Variants in UQCR10 observed in about 807,000 individuals in gnomAD.
UQCR10 encodes cytochrome b-c1 complex subunit 9.
UQCR10 carries 5 observed loss-of-function variants against 6.0 expected under a neutral mutation model. The observed-to-expected ratio is 0.83, with a 90% CI of 0.43 to 1.74. The LOEUF (loss-of-function observed/expected upper bound fraction) is 1.74. Among genes scored for constraint, UQCR10 ranks in the 40% most tolerant of loss-of-function variants. UQCR10 has a pLI of 0.02. For synonymous variants in UQCR10, 40 were observed against 37.4 expected (o/e 1.07, Z -0.26); for missense variants, 101 against 85.1 (o/e 1.19, Z -0.74).
Position 29,770,316 on chromosome 22 carries a change from C to A in UQCR10, c.*597C>A. On this transcript the variant is annotated 3_prime_UTR_variant, in exon 2 of 2. Transcript: ENST00000330029. The stretch of plus-strand genomic sequence containing the variant: ...GCCATGTTGGAAGAATTGTCTTGGG[C>A]CACACATAAAATACAGTAACCATAG... 4.6e-6 allele frequency: 1 copy of A among 215,210 alleles called. No homozygotes were observed. Among genetic ancestry groups the A allele is most frequent in the Non-Finnish European group, 9.6e-6 (1 of 103,776 alleles). 13.3% of individuals were successfully genotyped at this position (215,210 alleles called of 1,614,324 possible).
chr22:29,769,985 T>A lies in UQCR10; in HGVS notation c.*266T>A. On this transcript the variant is annotated 3_prime_UTR_variant, in exon 2 of 2. Coordinates refer to ENST00000330029, the MANE Select transcript of UQCR10 (RefSeq NM_013387.4). ...TGGTTGCTTTGTTAACTCTACCTGA[T>A]CTTCACTTGTCAGTAATTTGAGACC... The A allele has an allele frequency of 1.6e-6, 1 of 625,172 alleles. No individual in the cohort carries two copies. Among genetic ancestry groups the A allele is most frequent in the Non-Finnish European group, 3.0e-6 (1 of 334,984 alleles). The allele number at this position is 625,172 out of a possible 1,614,324, so 38.7% of individuals were successfully genotyped here.
Position 29,769,919 on chromosome 22 carries a change from A to G in UQCR10, c.*200A>G, listed in dbSNP as rs1394806966. 2.8e-6 allele frequency: 2 copies of G among 726,552 alleles called. No individual in the cohort carries two copies. Among genetic ancestry groups the G allele is most frequent in the South Asian group, 1.5e-5 (1 of 67,202 alleles). 45.0% of individuals were successfully genotyped at this position (726,552 alleles called of 1,614,324 possible). A position where few individuals can be genotyped will look rare whatever the true frequency, so the allele number is the denominator to read the frequency against. On this transcript the variant is annotated 3_prime_UTR_variant, in exon 2 of 2. Coordinates refer to ENST00000330029, the MANE Select transcript of UQCR10 (RefSeq NM_013387.4). ...TGAAGTATGTTTAGTCAGCATGCTCAGGAAATAAATGTGAATTGCCCTTGA... is the reference window on the plus strand; with the variant it reads ...TGAAGTATGTTTAGTCAGCATGCTCGGGAAATAAATGTGAATTGCCCTTGA...
intron 1 of UQCR10, chr22:29,767,752 G>C (rs1360880733): frequency 2.4e-6 from 2 of 845,066 alleles, no homozygotes; most frequent in Non-Finnish European, 3.5e-6. Context: ...CATTTTGCAG[G>C]GGTTGTAAGT....
intron 1 of UQCR10, among the ~76,000 whole-genome samples, chr22:29,767,998 A>G (rs1601737542): frequency 6.6e-6 from 1 of 152,324 alleles, no homozygotes; most frequent in Middle Eastern, 3.4e-3. Context: ...TCTGGTCCCC[A>G]AGGCTTCCCA....
intron 1 of UQCR10, 68 bp from the exon 2 acceptor site, chr22:29,769,610 C>A: frequency 6.8e-7 from 1 of 1,462,634 alleles, no homozygotes; most frequent in Non-Finnish European, 9.3e-7. Context: ...GAGACCAGGG[C>A]AGTGGGAGTA....
rs200280704 is a variant in UQCR10, at chr22:29,769,873, C to T, written c.*154C>T. 5.2e-5 allele frequency: 44 copies of T among 851,926 alleles called. No homozygotes were observed. In the Admixed American group the frequency reaches 6.8e-4, roughly 13 times the overall value. The allele number at this position is 851,926 out of a possible 1,614,324, so 52.8% of individuals were successfully genotyped here. ...GAAACGGCTTTACTTACAAAACAGA[C>T]TCTTTACCTTCTGCTGTGTTTGAAG... On this transcript the variant is annotated 3_prime_UTR_variant, in exon 2 of 2. Coordinates refer to ENST00000330029, the MANE Select transcript of UQCR10 (RefSeq NM_013387.4).
chr22:29,767,502 C>A lies in UQCR10; in HGVS notation c.104C>A (p.Ala35Asp). 1.2e-6 allele frequency: 2 copies of A among 1,613,980 alleles called. No homozygotes were observed. Among genetic ancestry groups the A allele is most frequent in the South Asian group, 2.2e-5 (2 of 91,082 alleles). Residue 35 changes from alanine (A) to aspartate (D), a missense_variant, in exon 1 of 2, where the codon GCC (alanine) becomes GAC (aspartate). Ala to Asp is a moderately radical substitution (Grantham distance 126). Coordinates refer to ENST00000330029, the MANE Select transcript of UQCR10 (RefSeq NM_013387.4). ...IIVGVMFFER[A>D]FDQGADAIYD... ...GTGGGCGTCATGTTCTTCGAGCGCG[C>A]CTTCGATCAAGGCGCGGACGCTATC...
At position 29,767,498 on chromosome 22, in the gene UQCR10, C is replaced by T. The variant is rs770339072; in HGVS notation, c.100C>T (p.Arg34Cys). Residue 34 changes from arginine (R) to cysteine (C), a missense_variant, in exon 1 of 2, where the codon CGC becomes TGC. Arg to Cys is a radical substitution (Grantham distance 180). Coordinates refer to ENST00000330029, the MANE Select transcript of UQCR10 (RefSeq NM_013387.4). ...TIIVGVMFFE[R>C]AFDQGADAIY... ...CATCGTGGGCGTCATGTTCTTCGAG[C>T]GCGCCTTCGATCAAGGCGCGGACGC... 11 of 1,613,980 alleles carry T rather than the reference C, an allele frequency of 6.8e-6. No homozygotes were observed. In the South Asian group the frequency reaches 1.2e-4, roughly 18 times the overall value.
chr22:29,768,380 C>T (rs16988025), intron 1 of UQCR10, among the ~76,000 whole-genome samples: 12,492 of 152,176 alleles, frequency 0.082, 554 homozygotes, highest in African/African-American at 0.099. Context: ...CTGGAGTAGG[C>T]CTTATACATA....
intron 1 of UQCR10, 145 bp downstream of exon 1, chr22:29,767,693 C>G: frequency 1.6e-6 from 2 of 1,250,260 alleles, no homozygotes; most frequent in South Asian, 3.3e-5. Context: ...GCCGTCTGTC[C>G]CCTTGGCTTG....
chr22:29,767,720 G>A (rs2068233463), intron 1 of UQCR10, 172 bp downstream of exon 1: 1 of 983,828 alleles, frequency 1.0e-6, no homozygotes, highest in Non-Finnish European at 1.5e-6. Flanking sequence ...ATTCTAAAAC[G>A]TTAAGCGAGG....
chr22:29,769,695 C>A lies in UQCR10; in HGVS notation c.168C>A (p.Ile56=), dbSNP rs1343837159. 2 of 1,609,482 alleles carry A rather than the reference C, an allele frequency of 1.2e-6. No homozygotes were observed. The highest frequency in any genetic ancestry group is 1.7e-5 in the Admixed American group (1 of 59,230). ...AAATGCAGAAGCTGTGGAAACACAT[C>A]AAGCACAAGTATGAGAACAAGTAGT... The part of the protein sequence containing the change: ...HINEGKLWKH[I]KHKYENK The change falls in exon 2 of 2, where the codon ATC becomes ATA. Residue 56 remains isoleucine, a synonymous_variant. Transcript: ENST00000330029.
intron 1 of UQCR10, among the ~76,000 whole-genome samples, chr22:29,768,661 C>T (rs1698314734): frequency 6.6e-6 from 1 of 151,464 alleles, no homozygotes; most frequent in Non-Finnish European, 1.5e-5. Flanking sequence ...GGATCTCACT[C>T]TGTCGCCCAG....
Position 29,767,476 on chromosome 22 carries a change from C to T in UQCR10, c.78C>T (p.Ile26=), listed in dbSNP as rs369731574. Residue 26 remains isoleucine (I), a synonymous_variant, in exon 1 of 2, where the codon ATC becomes ATT. Transcript: ENST00000330029. The part of the protein sequence containing the change: ...RRTSTFALTI[I]VGVMFFERAF... ...CCTCCACCTTCGCCCTCACCATCAT[C>T]GTGGGCGTCATGTTCTTCGAGCGCG... 6.2e-7 allele frequency: 1 copy of T among 1,613,900 alleles called. No homozygotes were observed. The highest frequency in any genetic ancestry group is 1.7e-5 in the Admixed American group (1 of 60,006).
chr22:29,767,668 TTC>T, intron 1 of UQCR10, 120 bp downstream of exon 1: 4 of 1,412,328 alleles, frequency 2.8e-6, no homozygotes, highest in Non-Finnish European at 3.8e-6. Flanking sequence ...CGTCGGCGTC[TTC>T]TGTCTCGAGT....
Position 29,767,442 on chromosome 22 carries a change from T to C in UQCR10, c.44T>C (p.Phe15Ser). The C allele has an allele frequency of 1.2e-6, 2 of 1,613,974 alleles. No homozygotes were observed. Among genetic ancestry groups the C allele is most frequent in the Non-Finnish European group, 1.7e-6 (2 of 1,179,854 alleles). The change falls in exon 1 of 2, where the codon TTC becomes TCC. Residue 15 changes from phenylalanine (F) to serine (S), a missense_variant. Phe to Ser is a radical substitution (Grantham distance 155). Transcript: ENST00000330029. ...ACTTCGAAATTGTACTCCCTGCTGT[T>C]CCGCAGGACCTCCACCTTCGCCCTC... ...TLTSKLYSLL[F>S]RRTSTFALTI... is the part of the protein sequence containing the mutation.
chr22:29,768,926 C>G (rs568265591), intron 1 of UQCR10, among the ~76,000 whole-genome samples: 66 of 152,322 alleles, frequency 4.3e-4, no homozygotes, highest in African/African-American at 1.6e-3. Context: ...TGTGCTCAAC[C>G]TCTTGTGCTT....
In UQCR10 at chr22:29,767,464, C is replaced by T. The variant is rs754831745; in HGVS notation, c.66C>T (p.Ala22=). 3 of 1,614,032 alleles carry T rather than the reference C, an allele frequency of 1.9e-6. No individual in the cohort carries two copies. Among genetic ancestry groups the T allele is most frequent in the Non-Finnish European group, 8.5e-7 (1 of 1,179,890 alleles). The part of the protein sequence containing the change: ...SLLFRRTSTF[A]LTIIVGVMFF... ...TGTTCCGCAGGACCTCCACCTTCGC[C>T]CTCACCATCATCGTGGGCGTCATGT... The change falls in exon 1 of 2, where the codon GCC becomes GCT. Residue 22 remains alanine (A), a synonymous_variant. Transcript: ENST00000330029.
At position 29,770,031 on chromosome 22, in the gene UQCR10, C is replaced by T. The variant is rs2068252794; in HGVS notation, c.*312C>T. ...AGACCACTTCAAAGCCCTCTGCAAA[C>T]ACCCCAAAGGCAGAATCTGCTATTT... On this transcript the variant is annotated 3_prime_UTR_variant, in exon 2 of 2. Transcript: ENST00000330029. The T allele has an allele frequency of 3.8e-6, 2 of 526,382 alleles. No individual in the cohort carries two copies. The highest frequency in any genetic ancestry group is 7.2e-6 in the Non-Finnish European group (2 of 276,986). The allele number at this position is 526,382 out of a possible 1,614,324, so 32.6% of individuals were successfully genotyped here.
Sources: allele counts gnomAD v4.1 joint callset (sites outside exome capture counted in the v4.1 genomes callset), GRCh38; gene constraint gnomAD v4.1.1; transcripts MANE v1.5; gene names NCBI Gene and HGNC (gene_info 2026-07-23, HGNC 2026-07-21).